Variants in MTMR6 observed in about 807,000 individuals in gnomAD.
MTMR6 encodes myotubularin related protein 6.
MTMR6 carries 47 observed loss-of-function variants against 80.1 expected under a neutral mutation model. That is an observed-to-expected ratio of 0.59 (90% CI 0.46 to 0.75). MTMR6 has a LOEUF of 0.75. Among genes scored for constraint, MTMR6 ranks in the 30% least tolerant of loss-of-function variants. The pLI is 0.00. For synonymous variants in MTMR6, 254 were observed against 253.0 expected, an observed-to-expected ratio of 1.00 and a Z score of -0.04; for missense variants, 629 against 730.9, an observed-to-expected ratio of 0.86 and a Z score of 1.61.
At chr13:25,277,119 T>C (rs1483224362) in intron 1 of MTMR6, among the ~76,000 whole-genome samples, 3 of 152,234 alleles carry the variant, frequency 2.0e-5, no homozygotes, top group Non-Finnish European at 4.4e-5. Context: ...CACAAATACA[T>C]TTCTAATTCT....
At position 25,268,365 on chromosome 13, in the gene MTMR6, G is replaced by A. The variant is rs148608166; in HGVS notation, c.142-424C>T. Among the ~76,000 whole-genome samples, 644 of 152,262 alleles carry A rather than the reference G, an allele frequency of 4.2e-3. 7 individuals are homozygous for A. The highest frequency in any genetic ancestry group is 0.015 in the African/African-American group (624 of 41,564). On this transcript the variant is annotated intron_variant, in intron 2 of 13. Transcript: ENST00000381801. ...TAGTGAACATTGAAAAGCAGATTAAGAAAAGGAAGGGAATCTAGTCATTTC... is the reference window on the plus strand; with the variant it reads ...TAGTGAACATTGAAAAGCAGATTAAAAAAAGGAAGGGAATCTAGTCATTTC...
chr13:25,277,193 G>A (rs534598932), intron 1 of MTMR6, among the ~76,000 whole-genome samples: 6 of 152,252 alleles, frequency 3.9e-5, no homozygotes, highest in Admixed American at 1.3e-4. Context: ...CTGGAAATCC[G>A]TGAATGATCC....
At chr13:25,283,355 T>C (rs960332064) in intron 1 of MTMR6, among the ~76,000 whole-genome samples, 7 of 152,232 alleles carry the variant, frequency 4.6e-5, no homozygotes, top group Non-Finnish European at 1.5e-5. Context: ...TAAAATGGGA[T>C]AGTATTAGTG....
intron 8 of MTMR6, 72 bp downstream of exon 8, chr13:25,257,664 C>A (rs1436478350): frequency 5.3e-5 from 57 of 1,073,260 alleles, no homozygotes; most frequent in Admixed American, 1.4e-4. Context: ...GATACCAGCC[C>A]CCAACAGAAT....
chr13:25,273,383 T>C (rs1003625440), intron 2 of MTMR6, among the ~76,000 whole-genome samples: 5 of 152,128 alleles, frequency 3.3e-5, no homozygotes, highest in Non-Finnish European at 5.9e-5. Flanking sequence ...TATATGTACA[T>C]TGCAACATTT....
chr13:25,254,474 C>T (rs1368898312), intron 9 of MTMR6, 40 bp from the exon 10 acceptor site: 1 of 1,283,540 alleles, frequency 7.8e-7, no homozygotes, highest in African/African-American at 1.5e-5. Context: ...TGACTACTTT[C>T]AATTATTTTG....
At chr13:25,284,917 G>A (rs370612443) in intron 1 of MTMR6, among the ~76,000 whole-genome samples, 4 of 152,048 alleles carry the variant, frequency 2.6e-5, no homozygotes, top group Non-Finnish European at 2.9e-5. Context: ...ATTTATTTGC[G>A]GTCTACATAC....
Position 25,254,411 on chromosome 13 carries a change from G to T in MTMR6, c.1119C>A (p.Ile373=). ...GFMVLIEKDW[I]SFGHKFSERC... ...TCTCTGAAAATTTATGTCCAAAAGAGATCCAATCCTTTTCTATTAAAACCT... is the reference window on the plus strand; with the variant it reads ...TCTCTGAAAATTTATGTCCAAAAGATATCCAATCCTTTTCTATTAAAACCT... The change falls in exon 10 of 14, where the codon ATC becomes ATA. Residue 373 remains isoleucine (I), a synonymous_variant. Transcript: ENST00000381801. 1 of 1,567,892 alleles carries T rather than the reference G, an allele frequency of 6.4e-7. No individual in the cohort carries two copies. The highest frequency in any genetic ancestry group is 8.8e-7 in the Non-Finnish European group (1 of 1,142,814).
chr13:25,273,195 G>A (rs1957621530), intron 2 of MTMR6, among the ~76,000 whole-genome samples: 1 of 151,742 alleles, frequency 6.6e-6, no homozygotes. Context: ...ATACACTACT[G>A]AGAATAAATT....
chr13:25,251,744 G>A lies in MTMR6; in HGVS notation c.1510C>T (p.Arg504Ter), dbSNP rs750462481. 3.1e-6 allele frequency: 5 copies of A among 1,603,968 alleles called. No individual in the cohort carries two copies. The highest frequency in any genetic ancestry group is 3.4e-6 in the Non-Finnish European group (4 of 1,174,264). Reference sequence around the variant, plus strand: ...ACAGACTGCCTAGGATGCAGTGTTCGATCAAATTGATGGTACATGTTCCTC... The same window carrying A: ...ACAGACTGCCTAGGATGCAGTGTTCAATCAAATTGATGGTACATGTTCCTC... ...FWRNMYHQFD[R>*]TLHPRQSVFN... The change falls in exon 13 of 14, where the codon CGA becomes TGA. Residue 504 changes from arginine to a stop codon, truncating the protein, a stop_gained. Transcript: ENST00000381801. LOFTEE classifies it high-confidence loss of function. This position sits in a 1 kb window ranked among gnomAD's most constrained non-coding sequence, Gnocchi z 4.1.
At chr13:25,274,957 C>T (rs1471151440) in intron 1 of MTMR6, among the ~76,000 whole-genome samples, 47 of 130,560 alleles carry the variant, frequency 3.6e-4, no homozygotes, top group African/African-American at 1.5e-3. Flanking sequence ...CACACACACA[C>T]ACATACACAC....
intron 1 of MTMR6, 42 bp downstream of exon 1, chr13:25,287,182 A>C: frequency 6.3e-7 from 1 of 1,581,214 alleles, no homozygotes; most frequent in Non-Finnish European, 8.6e-7. Flanking sequence ...CAGCCGGGTC[A>C]GAGCAGGGCC....
At chr13:25,265,456 C>T (rs1242334287) in intron 5 of MTMR6, among the ~76,000 whole-genome samples, 1 of 152,176 alleles carries the variant, frequency 6.6e-6, no homozygotes, top group Admixed American at 6.5e-5. Context: ...AAATAGTGTT[C>T]TTGATCCAGG....
At chr13:25,261,957 T>C (rs1957351074) in intron 5 of MTMR6, 155 bp from the exon 6 acceptor site, 1 of 692,930 alleles carries the variant, frequency 1.4e-6, no homozygotes. Context: ...ACTATTTCAA[T>C]ATTTTGACAT....
In MTMR6 at chr13:25,251,762, T is replaced by C. The variant is rs536417177; in HGVS notation, c.1492A>G (p.Met498Val). 6.8e-6 allele frequency: 11 copies of C among 1,607,518 alleles called. No individual in the cohort carries two copies. The highest frequency in any genetic ancestry group is 7.6e-6 in the Non-Finnish European group (9 of 1,177,212). The change falls in exon 13 of 14, where the codon ATG (methionine) becomes GTG (valine). Residue 498 changes from methionine to valine, a missense_variant. Coordinates refer to ENST00000381801, the MANE Select transcript of MTMR6 (RefSeq NM_004685.5). This position sits in a 1 kb window ranked among gnomAD's most constrained non-coding sequence, Gnocchi z 4.1. ...VSFNFKFWRN[M>V]YHQFDRTLHP... Reference sequence around the variant, plus strand: ...AGTGTTCGATCAAATTGATGGTACATGTTCCTCCAAAACCTTTATGACAAA... The same window carrying C: ...AGTGTTCGATCAAATTGATGGTACACGTTCCTCCAAAACCTTTATGACAAA...
intron 7 of MTMR6, among the ~76,000 whole-genome samples, chr13:25,258,204 A>AT (rs912306962): frequency 5.3e-5 from 8 of 151,930 alleles, no homozygotes; most frequent in South Asian, 2.1e-4. Flanking sequence ...ATCTAATAAC[A>AT]TTTTTTTTGC....
chr13:25,249,541 T>C (rs751789570), intron 13 of MTMR6, 49 bp from the exon 14 acceptor site: 1 of 1,558,406 alleles, frequency 6.4e-7, no homozygotes, highest in East Asian at 2.3e-5. Context: ...TAAGCCACAA[T>C]ATGTTACATG....
At position 25,287,320 on chromosome 13, in the gene MTMR6, G is replaced by C. The variant is rs1188331059; in HGVS notation, c.-73C>G. 6.5e-7 allele frequency: 1 copy of C among 1,537,180 alleles called. No homozygotes were observed. On this transcript the variant is annotated 5_prime_UTR_variant, in exon 1 of 14. Transcript: ENST00000381801. ...GCTACAGAAACAGGGCGGTGACAGC[G>C]ACAGAGAGCAAGCGGGAACTCCCTC...
chr13:25,251,518 G>T lies in MTMR6; in HGVS notation c.1605+131C>A. On this transcript the variant is annotated intron_variant, in intron 13 of 13. Coordinates refer to ENST00000381801, the MANE Select transcript of MTMR6 (RefSeq NM_004685.5). This position sits in a 1 kb window ranked among gnomAD's most constrained non-coding sequence, Gnocchi z 4.1. ...GAACTAACGTATTCAATCAAAGTAG[G>T]GATGACCTGATTTTGAAGAAACTGC... 1.3e-6 allele frequency: 1 copy of T among 762,648 alleles called. No individual in the cohort carries two copies. Among genetic ancestry groups the T allele is most frequent in the Non-Finnish European group, 2.1e-6 (1 of 482,778 alleles). 47.2% of individuals were successfully genotyped at this position (762,648 alleles called of 1,614,324 possible).
Sources: allele counts gnomAD v4.1 joint callset (sites outside exome capture counted in the v4.1 genomes callset), GRCh38; gene constraint gnomAD v4.1.1; non-coding constraint Gnocchi (gnomAD v3.1); transcripts MANE v1.5; gene names NCBI Gene and HGNC (gene_info 2026-07-23, HGNC 2026-07-21).